OTOF: variants seen among roughly 807,000 people sequenced by gnomAD.
OTOF encodes otoferlin.
A neutral mutation model predicts 236.8 loss-of-function variants in OTOF; 218 were observed. The observed-to-expected ratio is 0.92, with a 90% CI of 0.82 to 1.03. The LOEUF (loss-of-function observed/expected upper bound fraction) is 1.03. Among genes scored for constraint, OTOF ranks in the 50% least tolerant of loss-of-function variants. OTOF has a pLI of 0.00. For missense variants in OTOF, 2,590 were observed against 2,694.4 expected (o/e 0.96, Z 0.86); for synonymous variants, 1,041 against 1,072.5 (o/e 0.97, Z 0.57).
intron 1 of OTOF, among the ~76,000 whole-genome samples, chr2:26,545,749 A>AT (rs543939848): frequency 1.1e-3 from 163 of 152,198 alleles, no homozygotes; most frequent in African/African-American, 3.7e-3. Context: ...TTTGAAGTTC[A>AT]TTTTTTCTCC....
intron 2 of OTOF, among the ~76,000 whole-genome samples, chr2:26,531,500 C>G (rs2148116629): frequency 6.6e-6 from 1 of 152,288 alleles, no homozygotes; most frequent in East Asian, 1.9e-4. Flanking sequence ...TAGTTTAGAT[C>G]TTCCCAGTGG....
chr2:26,503,714 G>T, intron 6 of OTOF, 58 bp downstream of exon 6: 1 of 1,494,328 alleles, frequency 6.7e-7, no homozygotes, highest in Non-Finnish European at 9.3e-7. Flanking sequence ...GGGCTGGAAA[G>T]CGGCGGGAGG....
intron 4 of OTOF, 128 bp from the exon 5 acceptor site, chr2:26,516,727 G>T: frequency 2.1e-6 from 2 of 949,268 alleles, no homozygotes; most frequent in Non-Finnish European, 3.3e-6. Context: ...GGTCAGGATG[G>T]TATGATCCCC....
rs150243359 is a variant in OTOF at position 26,525,389 on chromosome 2, G to C, written c.227+2443C>G. 2.2e-3 allele frequency among the ~76,000 whole-genome samples: 333 copies of C among 152,290 alleles called. 1 individual carries two copies. Among genetic ancestry groups the C allele is most frequent in the Non-Finnish European group, 3.5e-3 (236 of 68,018 alleles). ...TTTGCTCACCCTCTCCCAGTGGCAA[G>C]GAGCTCACTACCTCCTAAGACAGCA... On this transcript the variant is annotated intron_variant, in intron 3 of 46. Coordinates refer to ENST00000272371, the MANE Select transcript of OTOF (RefSeq NM_194248.3).
At chr2:26,506,271 C>T (rs539294877) in intron 5 of OTOF, among the ~76,000 whole-genome samples, 1 of 152,346 alleles carries the variant, frequency 6.6e-6, no homozygotes, top group East Asian at 1.9e-4. Context: ...CAGGGCTCAG[C>T]GTTTGACTTT....
In OTOF at chr2:26,467,129, G is replaced by C. The variant is rs149236286; in HGVS notation, c.4332C>G (p.Thr1444=). The change falls in exon 35 of 47, where the codon ACC becomes ACG. Residue 1444 remains threonine, a synonymous_variant. Coordinates refer to ENST00000272371, the MANE Select transcript of OTOF (RefSeq NM_194248.3). ...GKTGDDEDGS[T]EEERIVGRFK... is the part of the protein sequence containing the mutation. Reference sequence around the variant, plus strand: ...AGCGTCCCACAATGCGCTCCTCCTCGGTGGAGCCATCCTCATCATCCCCGG... The same window carrying C: ...AGCGTCCCACAATGCGCTCCTCCTCCGTGGAGCCATCCTCATCATCCCCGG... 5.6e-6 allele frequency: 9 copies of C among 1,613,798 alleles called. No individual in the cohort carries two copies. The highest frequency in any genetic ancestry group is 7.6e-6 in the Non-Finnish European group (9 of 1,180,004).
chr2:26,480,592 A>C (rs1378245313), intron 15 of OTOF, among the ~76,000 whole-genome samples, 194 bp downstream of exon 15: 1 of 152,218 alleles, frequency 6.6e-6, no homozygotes, highest in East Asian at 1.9e-4. Flanking sequence ...GAGCACAGGC[A>C]GGCAGTGGAC....
At chr2:26,530,055 T>C (rs1558518023) in intron 2 of OTOF, among the ~76,000 whole-genome samples, 1 of 151,930 alleles carries the variant, frequency 6.6e-6, no homozygotes, top group African/African-American at 2.4e-5. Context: ...GCCAGGGCGC[T>C]GTGTGGGAGT....
At chr2:26,550,982 C>T (rs898491126) in intron 1 of OTOF, among the ~76,000 whole-genome samples, 1 of 151,934 alleles carries the variant, frequency 6.6e-6, no homozygotes, top group Non-Finnish European at 1.5e-5. Flanking sequence ...TGGGATGGAG[C>T]CTTTCATGGC....
Position 26,472,523 on chromosome 2 carries a change from T to C in OTOF, c.3860A>G (p.Asp1287Gly). The change falls in exon 30 of 47, where the codon GAC (aspartate) becomes GGC (glycine). Residue 1287 changes from aspartate (D) to glycine (G), a missense_variant. Physicochemically the swap from Asp to Gly is moderately conservative, Grantham distance 94 (BLOSUM62 -1). Around this residue, in one of 2 missense-constraint regions of OTOF, gnomAD observed 1,211 missense variants for 1,352.8 expected, o/e 0.90. Coordinates refer to ENST00000272371, the MANE Select transcript of OTOF (RefSeq NM_194248.3). ...GGCTGACCCCACCCGCCTTACCGCG[T>C]CCAGCTTCACCATGGTCTCCAGTTT... ...IKKLETMVKL[D>G]ATSEAVVKVD... The C allele has an allele frequency of 6.2e-7, 1 of 1,613,494 alleles. No homozygotes were observed. The highest frequency in any genetic ancestry group is 1.7e-5 in the Admixed American group (1 of 60,020).
chr2:26,472,325 G>A lies in OTOF; in HGVS notation c.3864+194C>T, dbSNP rs574239938. 1.8e-3 allele frequency: 1,195 copies of A among 680,010 alleles called. 5 individuals carry two copies. Among genetic ancestry groups the A allele is most frequent in the Non-Finnish European group, 2.1e-3 (783 of 371,896 alleles). 42.1% of individuals were successfully genotyped at this position (680,010 alleles called of 1,614,324 possible). A position where few individuals can be genotyped will look rare whatever the true frequency, so the allele number is the denominator to read the frequency against. ...ACACATGCACATTTACATACCACAC[G>A]CACGCGTGTGCATTCCAGGATAGTA... is the stretch of plus-strand genomic sequence containing the variant. On this transcript the variant is annotated intron_variant, in intron 30 of 46. Transcript: ENST00000272371.
intron 35 of OTOF, 56 bp downstream of exon 35, chr2:26,467,043 G>GC: frequency 6.4e-7 from 1 of 1,573,826 alleles, no homozygotes; most frequent in Non-Finnish European, 8.5e-7. Context: ...GGGGGAACCT[G>GC]TGGGGGGGGC....
At chr2:26,490,855 A>G (rs7587790) in intron 9 of OTOF, among the ~76,000 whole-genome samples, 97,154 of 152,062 alleles carry the variant, frequency 0.64, 33,227 homozygotes, top group East Asian at 0.91. Flanking sequence ...AGTCTTTAAC[A>G]CAGGTGTGCA....
chr2:26,465,949 T>G lies in OTOF; in HGVS notation c.4628A>C (p.Lys1543Thr), dbSNP rs1664706801. The change falls in exon 37 of 47, where the codon AAG becomes ACG. Residue 1543 changes from lysine (K) to threonine (T), a missense_variant and splice_region_variant. By Grantham distance (78) the Lys-to-Thr change is moderately conservative (BLOSUM62 -1). Coordinates refer to ENST00000272371, the MANE Select transcript of OTOF (RefSeq NM_194248.3). ...AGGGGAGGGCACCAAGAAGCCTTACTTCCCAAAGACAGGGTTGAGCTGCTT... is the reference window on the plus strand; with the variant it reads ...AGGGGAGGGCACCAAGAAGCCTTACGTCCCAAAGACAGGGTTGAGCTGCTT... ...ISKQLNPVFG[K>T]SFDIEASFPM... 1 of 1,614,120 alleles carries G rather than the reference T, an allele frequency of 6.2e-7. No homozygotes were observed. The highest frequency in any genetic ancestry group is 1.3e-5 in the African/African-American group (1 of 74,952).
intron 3 of OTOF, among the ~76,000 whole-genome samples, chr2:26,522,873 A>G (rs1666709974): frequency 1.3e-5 from 2 of 152,196 alleles, no homozygotes; most frequent in Admixed American, 1.3e-4. Flanking sequence ...AGGGCCATCC[A>G]GGTCACCATG....
chr2:26,476,117 TC>T lies in OTOF; in HGVS notation c.2866+10del, dbSNP rs1665251355. ...CCCAGGTGAGGCTTCGAGTGAGGGGTCCTCACTCACTGGTGTAGACCAGGCT... is the reference window on the plus strand; with the variant it reads ...CCCAGGTGAGGCTTCGAGTGAGGGGTCTCACTCACTGGTGTAGACCAGGCT... On this transcript the variant is annotated intron_variant, in intron 23 of 46. Coordinates refer to ENST00000272371, the MANE Select transcript of OTOF (RefSeq NM_194248.3). The T allele has an allele frequency of 1.2e-6, 2 of 1,610,432 alleles. No individual in the cohort carries two copies. The highest frequency in any genetic ancestry group is 4.5e-5 in the East Asian group (2 of 44,816).
intron 5 of OTOF, among the ~76,000 whole-genome samples, chr2:26,511,923 T>G (rs1018622383): frequency 3.9e-5 from 6 of 152,146 alleles, no homozygotes; most frequent in African/African-American, 1.4e-4. Context: ...TGGCCCCACA[T>G]GCACACACTT....
chr2:26,527,095 C>A (rs989078917), intron 3 of OTOF, among the ~76,000 whole-genome samples: 1 of 152,206 alleles, frequency 6.6e-6, no homozygotes, highest in Non-Finnish European at 1.5e-5. Context: ...TTTTATTGAA[C>A]ACCTTATAGT....
At chr2:26,504,469 G>A (rs912687299) in intron 5 of OTOF, among the ~76,000 whole-genome samples, 1 of 152,174 alleles carries the variant, frequency 6.6e-6, no homozygotes, top group Non-Finnish European at 1.5e-5. Flanking sequence ...ATGAAAAAGG[G>A]GGAGATAGGC....
Sources: allele counts gnomAD v4.1 joint callset (sites outside exome capture counted in the v4.1 genomes callset), GRCh38; gene constraint gnomAD v4.1.1; regional missense constraint gnomAD v4.1.1; transcripts MANE v1.5; gene names NCBI Gene and HGNC (gene_info 2026-07-23, HGNC 2026-07-21).